Variants in CCDC66 observed in about 807,000 individuals in gnomAD.
The protein encoded by CCDC66 is coiled-coil domain-containing protein 66.
A neutral mutation model predicts 128.3 loss-of-function variants in CCDC66; 133 were observed. The ratio of observed to expected loss-of-function variants is 1.04; its 90% CI spans 0.90 to 1.20. The LOEUF (loss-of-function observed/expected upper bound fraction) is 1.20. CCDC66 is among the 50% of genes most tolerant of loss of function. The pLI, the probability that CCDC66 is intolerant of heterozygous loss-of-function variation, is 0.00. For missense variants in CCDC66, 1,126 were observed against 1,075.5 expected, an observed-to-expected ratio of 1.05 and a Z score of -0.66; for synonymous variants, 387 against 357.0, an observed-to-expected ratio of 1.08 and a Z score of -0.95.
intron 6 of CCDC66, 92 bp from the exon 7 acceptor site, chr3:56,571,089 T>C: frequency 1.1e-6 from 1 of 875,724 alleles, no homozygotes; most frequent in South Asian, 1.9e-5. Flanking sequence ...ATTAGATCTG[T>C]GTTGGTATCT....
intron 8 of CCDC66, 74 bp from the exon 9 acceptor site, chr3:56,593,417 C>A: frequency 6.6e-7 from 1 of 1,519,656 alleles, no homozygotes; most frequent in Non-Finnish European, 9.0e-7. Flanking sequence ...TAGAAATCAT[C>A]TTTGGTTGTC....
chr3:56,574,603 G>A (rs992309047), intron 7 of CCDC66, among the ~76,000 whole-genome samples: 1 of 151,716 alleles, frequency 6.6e-6, no homozygotes, highest in Non-Finnish European at 1.5e-5. Context: ...AGTCACCAAA[G>A]CCTTGAGTGT....
At chr3:56,559,036 C>T (rs973758771) in intron 2 of CCDC66, 126 bp downstream of exon 2, 1 of 694,250 alleles carries the variant, frequency 1.4e-6, no homozygotes, top group Non-Finnish European at 2.4e-6. Context: ...AAAGCTGTTT[C>T]CTCAAACTTC....
chr3:56,579,276 C>T (rs1427236260), intron 7 of CCDC66, among the ~76,000 whole-genome samples: 4 of 151,432 alleles, frequency 2.6e-5, no homozygotes, highest in East Asian at 2.0e-4. Context: ...TTTTTTATTG[C>T]ATCTATTTGA....
chr3:56,597,599 A>T (rs2072238531), intron 10 of CCDC66, among the ~76,000 whole-genome samples: 2 of 151,640 alleles, frequency 1.3e-5, no homozygotes, highest in African/African-American at 4.9e-5. Flanking sequence ...CCCTTGGTTA[A>T]ATTTATTCCT....
At chr3:56,615,867 A>G (rs1454114530) in intron 12 of CCDC66, 55 bp from the exon 13 acceptor site, 1 of 1,457,936 alleles carries the variant, frequency 6.9e-7, no homozygotes, top group African/African-American at 1.4e-5. Flanking sequence ...TGCTATACAT[A>G]ATTTTTATTA....
Position 56,615,818 on chromosome 3 carries a change from GTTCA to G in CCDC66, c.1712-100_1712-97del. On this transcript the variant is annotated intron_variant, in intron 12 of 17. Transcript: ENST00000394672. ...TTTGTAAGAAAATTTTTATTGCAGT[GTTCA>G]TTCTGATTAAGTGAAAATTATTGTA... is the stretch of plus-strand genomic sequence containing the variant. 5.1e-6 allele frequency: 5 copies of G among 978,740 alleles called. No homozygotes were observed. In the East Asian group the frequency reaches 1.6e-4, roughly 32 times the overall value. The allele number at this position is 978,740 out of a possible 1,614,324, so 60.6% of individuals were successfully genotyped here.
At chr3:56,576,855 A>T (rs866559548) in intron 7 of CCDC66, among the ~76,000 whole-genome samples, 1 of 151,684 alleles carries the variant, frequency 6.6e-6, no homozygotes, top group Admixed American at 6.6e-5. Flanking sequence ...AGTCTTTGCT[A>T]TTGTGAATAG....
intron 7 of CCDC66, among the ~76,000 whole-genome samples, chr3:56,575,470 T>G (rs890004570): frequency 6.6e-6 from 1 of 151,846 alleles, no homozygotes; most frequent in African/African-American, 2.4e-5. Context: ...GTAGGAGTTA[T>G]ATATTTTGTA....
intron 7 of CCDC66, among the ~76,000 whole-genome samples, chr3:56,573,667 G>A (rs114671954): frequency 5.3e-4 from 81 of 152,286 alleles, no homozygotes; most frequent in Non-Finnish European, 1.1e-3. Context: ...GAAGCATCAG[G>A]TGGTTGGTTG....
At chr3:56,570,414 A>G (rs966065096) in intron 6 of CCDC66, 1 of 152,260 alleles carries the variant, frequency 6.6e-6, no homozygotes, top group Non-Finnish European at 1.5e-5. Flanking sequence ...GATAGGCACT[A>G]TTATTATCCC....
At chr3:56,558,159 C>T (rs2064607506) in intron 1 of CCDC66, among the ~76,000 whole-genome samples, 1 of 152,136 alleles carries the variant, frequency 6.6e-6, no homozygotes, top group African/African-American at 2.4e-5. Flanking sequence ...CTTTCCCAGC[C>T]TCTCTCTCCC....
intron 3 of CCDC66, among the ~76,000 whole-genome samples, chr3:56,562,200 C>G (rs1656891297): frequency 6.6e-6 from 1 of 151,936 alleles, no homozygotes; most frequent in Non-Finnish European, 1.5e-5. Flanking sequence ...GCCCACACCA[C>G]CAGGCTCAGT....
intron 11 of CCDC66, among the ~76,000 whole-genome samples, chr3:56,614,303 C>T (rs2075229824): frequency 6.6e-6 from 1 of 152,082 alleles, no homozygotes; most frequent in Non-Finnish European, 1.5e-5. Flanking sequence ...AGCAAATTAC[C>T]TATGTGCTTC....
chr3:56,599,846 T>C (rs9862490), intron 10 of CCDC66, among the ~76,000 whole-genome samples: 52,723 of 151,968 alleles, frequency 0.35, 9,918 homozygotes, highest in East Asian at 0.48. Context: ...GAAAAGAATG[T>C]GTATTCTCTT....
At position 56,583,909 on chromosome 3, in the gene CCDC66, G is replaced by A. The variant is rs1268593348; in HGVS notation, c.937-9061G>A. Among the ~76,000 whole-genome samples, 7 of 44,836 alleles carry A rather than the reference G, an allele frequency of 1.6e-4. 1 individual carries two copies. The highest frequency in any genetic ancestry group is 5.7e-4 in the South Asian group (1 of 1,754). The allele number at this position is 44,836 out of a possible 152,430, so 29.4% of individuals were successfully genotyped here. A position where few individuals can be genotyped will look rare whatever the true frequency, so the allele number is the denominator to read the frequency against. ...GCGCCCCCCACCTCCCGGATGGGGC[G>A]GCGGCTGGGCGGGGGCTGCCCCCCA... On this transcript the variant is annotated intron_variant, in intron 7 of 17. Transcript: ENST00000394672.
Position 56,593,026 on chromosome 3 carries a change from ATG to A in CCDC66, c.994_995del (p.Trp332AspfsTer2), listed in dbSNP as rs751716066. The A allele has an allele frequency of 5.0e-6, 8 of 1,611,084 alleles. 1 individual carries two copies. In the South Asian group the frequency reaches 8.8e-5, roughly 18 times the overall value. ...SAVKQELQRKWIEELNKQIED... is the reference protein window; with the variant it reads ...SAVKQELQRKXIEELNKQIED... ...CTGTGAAACAAGAACTGCAAAGAAA[ATG>A]GATTGAAGAGTTGAATAAGCAAATA... On this transcript the variant is annotated frameshift_variant, in exon 8 of 18. Transcript: ENST00000394672. LOFTEE classifies it high-confidence loss of function.
At position 56,592,755 on chromosome 3, in the gene CCDC66, T is replaced by C. The variant is rs931121828; in HGVS notation, c.937-215T>C. Among the ~76,000 whole-genome samples, 5 of 152,168 alleles carry C rather than the reference T, an allele frequency of 3.3e-5. No individual in the cohort carries two copies. In the East Asian group the frequency reaches 5.8e-4, roughly 18 times the overall value. ...TCCCTTACACTTAGATATCTTATTA[T>C]ATATCTCTGATCTAGTATATTTAAA... On this transcript the variant is annotated intron_variant, in intron 7 of 17. Coordinates refer to ENST00000394672, the MANE Select transcript of CCDC66 (RefSeq NM_001141947.3).
intron 11 of CCDC66, 101 bp downstream of exon 11, chr3:56,613,851 G>A: frequency 4.3e-6 from 4 of 928,982 alleles, no homozygotes; most frequent in Non-Finnish European, 6.6e-6. Flanking sequence ...TGCAATCATA[G>A]CTCACTGCAG....
Sources: gnomAD v4.1 joint callset for allele counts (sites outside exome capture counted in the v4.1 genomes callset) on GRCh38, gnomAD v4.1.1 for gene constraint, MANE v1.5 for transcripts, NCBI Gene and HGNC (gene_info 2026-07-23, HGNC 2026-07-21) for gene names.